Variants in FDFT1 observed in about 807,000 individuals in gnomAD.
FDFT1 encodes the protein squalene synthase.
A neutral mutation model predicts 46.8 loss-of-function variants in FDFT1; 68 were observed. The ratio of observed to expected loss-of-function variants is 1.45; its 90% CI spans 1.19 to 1.78. The LOEUF is 1.78. Among genes scored for constraint, FDFT1 ranks in the 40% most tolerant of loss-of-function variants. The probability of loss-of-function intolerance (pLI) is 0.00; values close to 1 mark genes in which losing one functional copy is unlikely to be tolerated. For missense variants in FDFT1, 928 were observed against 524.4 expected, an observed-to-expected ratio of 1.77 and a Z score of -7.52; for synonymous variants, 351 against 185.1, an observed-to-expected ratio of 1.90 and a Z score of -7.28.
intron 7 of FDFT1, among the ~76,000 whole-genome samples, chr8:11,833,696 T>G (rs1293317): frequency 1.6e-4 from 24 of 152,236 alleles, no homozygotes; most frequent in Admixed American, 7.9e-4. Flanking sequence ...ATTTGCTTCT[T>G]TGTCTTCTGT....
intron 4 of FDFT1, among the ~76,000 whole-genome samples, chr8:11,822,187 G>T (rs1455641400): frequency 1.3e-5 from 2 of 152,166 alleles, no homozygotes; most frequent in Non-Finnish European, 2.9e-5. Flanking sequence ...TAGGAGTCTT[G>T]CCTATTTTTC....
chr8:11,808,598 G>T, intron 1 of FDFT1, 196 bp from the exon 2 acceptor site: 1 of 1,389,256 alleles, frequency 7.2e-7, no homozygotes, highest in Non-Finnish European at 9.3e-7. Flanking sequence ...CGGCGCCCAG[G>T]GGCCCGGGCG....
chr8:11,838,543 G>C lies in FDFT1; in HGVS notation c.1188G>C (p.Leu396=), dbSNP rs2130923840. The change falls in exon 8 of 8, where the codon CTG becomes CTC. Residue 396 remains leucine, a synonymous_variant. Coordinates refer to ENST00000220584, the MANE Select transcript of FDFT1 (RefSeq NM_004462.5). ...YLSFVMLLAA[L]SWQYLTTLSQ... Reference sequence around the variant, plus strand: ...CGTTTGTCATGCTTTTGGCTGCCCTGAGCTGGCAGTACCTGACCACTCTCT... The same window carrying C: ...CGTTTGTCATGCTTTTGGCTGCCCTCAGCTGGCAGTACCTGACCACTCTCT... The C allele has an allele frequency of 1.9e-6, 3 of 1,612,418 alleles. No individual in the cohort carries two copies. Among genetic ancestry groups the C allele is most frequent in the Non-Finnish European group, 8.5e-7 (1 of 1,179,290 alleles).
chr8:11,807,200 A>G (rs764420782), intron 1 of FDFT1, among the ~76,000 whole-genome samples: 7 of 152,198 alleles, frequency 4.6e-5, no homozygotes, highest in East Asian at 1.9e-4. Context: ...GCAGTGTACA[A>G]TATCATAGTT....
chr8:11,810,010 G>A (rs763588824), intron 3 of FDFT1, 160 bp downstream of exon 3: 2 of 556,172 alleles, frequency 3.6e-6, no homozygotes, highest in African/African-American at 1.9e-5. Context: ...TCTGAAGCCA[G>A]GCTGCCTGGG....
chr8:11,802,583 G>C (rs1377029399), upstream of FDFT1: 3 of 626,416 alleles, frequency 4.8e-6, no homozygotes, highest in Admixed American at 2.2e-5. Flanking sequence ...GATTGGCCGG[G>C]GTCTTCCTAG....
chr8:11,802,995 T>C lies in FDFT1; in HGVS notation c.99+64T>C. ...AGCTCGCTGGGCCGGCCTCAGGGCCTGAGCGGCCGGGCCCGGATCTGGGGC... is the reference window on the plus strand; with the variant it reads ...AGCTCGCTGGGCCGGCCTCAGGGCCCGAGCGGCCGGGCCCGGATCTGGGGC... On this transcript the variant is annotated intron_variant, in intron 1 of 7. Coordinates refer to ENST00000220584, the MANE Select transcript of FDFT1 (RefSeq NM_004462.5). The C allele has an allele frequency of 1.9e-6, 3 of 1,540,802 alleles. No individual in the cohort carries two copies. The South Asian group carries it at 3.6e-5, about 18-fold the overall frequency.
intron 3 of FDFT1, among the ~76,000 whole-genome samples, chr8:11,819,621 T>A (rs1040289054): frequency 3.3e-5 from 5 of 152,064 alleles, no homozygotes; most frequent in African/African-American, 1.2e-4. Flanking sequence ...TATCCTTTCT[T>A]CTGCTTGATC....
At chr8:11,837,336 T>C (rs1408361639) in intron 7 of FDFT1, among the ~76,000 whole-genome samples, 1 of 152,234 alleles carries the variant, frequency 6.6e-6, no homozygotes, top group African/African-American at 2.4e-5. Context: ...GCTCAAGTGA[T>C]CTTCCCACCC....
intron 7 of FDFT1, among the ~76,000 whole-genome samples, chr8:11,833,602 A>G (rs1479303152): frequency 6.6e-6 from 1 of 152,166 alleles, no homozygotes; most frequent in South Asian, 2.1e-4. Flanking sequence ...GTTGTAATTC[A>G]TAGTTTGAGG....
At chr8:11,816,364 T>C (rs1370803514) in intron 3 of FDFT1, among the ~76,000 whole-genome samples, 1 of 152,202 alleles carries the variant, frequency 6.6e-6, no homozygotes, top group Non-Finnish European at 1.5e-5. Context: ...CTTTTTTGCT[T>C]CCATGTGAAA....
intron 1 of FDFT1, chr8:11,808,307 A>C: frequency 8.2e-7 from 1 of 1,223,298 alleles, no homozygotes; most frequent in South Asian, 4.2e-5. Flanking sequence ...CTTAGCGGCC[A>C]GTGGGTTCTG....
upstream of FDFT1, among the ~76,000 whole-genome samples, chr8:11,798,340 G>A (rs1322293017): frequency 1.3e-5 from 2 of 152,198 alleles, no homozygotes; most frequent in Non-Finnish European, 2.9e-5. Context: ...GATTACAGGT[G>A]TGAGCCACTG....
chr8:11,821,724 C>G, intron 3 of FDFT1, 26 bp from the exon 4 acceptor site: 2 of 1,610,960 alleles, frequency 1.2e-6, no homozygotes, highest in Non-Finnish European at 8.5e-7. Context: ...TTCATGATTT[C>G]TGTGTTTTTA....
intron 6 of FDFT1, 108 bp from the exon 7 acceptor site, chr8:11,831,410 T>A: frequency 3.3e-6 from 3 of 898,050 alleles, no homozygotes; most frequent in South Asian, 3.2e-5. Context: ...CTTAGTTGAT[T>A]AGCAGTTAGC....
intron 6 of FDFT1, among the ~76,000 whole-genome samples, 186 bp downstream of exon 6, chr8:11,830,606 G>C (rs964324352): frequency 3.3e-5 from 5 of 152,188 alleles, no homozygotes; most frequent in African/African-American, 1.2e-4. Context: ...TCAGCCTTGA[G>C]GTTAAGCCTG....
At chr8:11,834,816 T>C (rs1288643631) in intron 7 of FDFT1, among the ~76,000 whole-genome samples, 2 of 152,206 alleles carry the variant, frequency 1.3e-5, no homozygotes, top group African/African-American at 4.8e-5. Flanking sequence ...TAAACATTTA[T>C]AGGAGCCTGT....
intron 7 of FDFT1, among the ~76,000 whole-genome samples, chr8:11,834,698 A>G (rs1001708139): frequency 1.3e-5 from 2 of 152,248 alleles, no homozygotes; most frequent in East Asian, 3.8e-4. Context: ...AGCTGATTCC[A>G]TATTCGCAGT....
At chr8:11,826,961 A>AGG (rs1236262649) in intron 5 of FDFT1, among the ~76,000 whole-genome samples, 1 of 152,202 alleles carries the variant, frequency 6.6e-6, no homozygotes, top group South Asian at 2.1e-4. Context: ...TGCAGCAGGA[A>AGG]GGGGAAAGGG....
Sources: gnomAD v4.1 joint callset for allele counts (sites outside exome capture counted in the v4.1 genomes callset) on GRCh38, gnomAD v4.1.1 for gene constraint, MANE v1.5 for transcripts, NCBI Gene and HGNC (gene_info 2026-07-23, HGNC 2026-07-21) for gene names.